The following UGT1A9 variants were observed in gnomAD, a reference collection of about 807,000 sequenced individuals.
UGT1A9 encodes UDP-glucuronosyltransferase 1A9.
Under a neutral mutation model 45.0 loss-of-function variants are expected in UGT1A9, and 35 were observed. The observed-to-expected ratio is 0.78, with a 90% confidence interval of 0.59 to 1.03. The LOEUF (loss-of-function observed/expected upper bound fraction) is 1.03. Ranked by LOEUF, UGT1A9 falls within the 50% of genes least tolerant of loss-of-function variation. The pLI, the probability that UGT1A9 is intolerant of heterozygous loss-of-function variation, is 0.00. For missense variants in UGT1A9, 687 were observed against 666.6 expected, an observed-to-expected ratio of 1.03 and a Z score of -0.34; for synonymous variants, 278 against 250.6, an observed-to-expected ratio of 1.11 and a Z score of -1.03.
rs1176429614 is a variant in UGT1A9, at chr2:233,757,538, ATATATATATATATATATATATATG to A, written c.856-9488_856-9465del. Among the ~76,000 whole-genome samples, 814 of 109,752 alleles carry A rather than the reference ATATATATATATATATATATATATG, an allele frequency of 7.4e-3. 44 individuals carry two copies. The highest frequency in any genetic ancestry group is 0.034 in the African/African-American group (774 of 22,608). The allele number at this position is 109,752 out of a possible 152,430, so 72.0% of individuals were successfully genotyped here. ...AGCCAAAATCTTGCCTGTAAGGAAT[ATATATATATATATATATATATATG>A]TATATATGATATAGCTATAGTCTAA... On this transcript the variant is annotated intron_variant, in intron 1 of 4. Coordinates refer to ENST00000354728, the MANE Select transcript of UGT1A9 (RefSeq NM_021027.3).
chr2:233,682,201 G>A, intron 1 of UGT1A9: 1 of 1,614,168 alleles, frequency 6.2e-7, no homozygotes, highest in South Asian at 1.1e-5. Context: ...ATCAGGACCG[G>A]GAGTTCATGG....
chr2:233,673,507 C>T (rs2074260225), intron 1 of UGT1A9, among the ~76,000 whole-genome samples: 1 of 152,076 alleles, frequency 6.6e-6, no homozygotes, highest in South Asian at 2.1e-4. Flanking sequence ...GACTAGAGCC[C>T]TACATGTAGG....
chr2:233,767,266 T>A (rs1028095369), intron 2 of UGT1A9, 101 bp downstream of exon 2: 5 of 1,587,970 alleles, frequency 3.1e-6, no homozygotes, highest in Non-Finnish European at 4.3e-6. Flanking sequence ...AACCTTAGAT[T>A]TGGCTTTTCC....
At chr2:233,682,012 A>C (rs772323703) in intron 1 of UGT1A9, 29 of 1,614,092 alleles carry the variant, frequency 1.8e-5, no homozygotes, top group Non-Finnish European at 2.4e-5. Flanking sequence ...TTGCCAAGGC[A>C]GGGAAGCTGC....
chr2:233,707,853 G>A (rs2075991283), intron 1 of UGT1A9, among the ~76,000 whole-genome samples: 1 of 152,142 alleles, frequency 6.6e-6, no homozygotes, highest in Non-Finnish European at 1.5e-5. Context: ...ATTTTTCAGA[G>A]TGGTTGTACA....
chr2:233,765,616 G>A (rs1387784053), intron 1 of UGT1A9, among the ~76,000 whole-genome samples: 1 of 151,774 alleles, frequency 6.6e-6, no homozygotes, highest in Non-Finnish European at 1.5e-5. Flanking sequence ...CGGGGTGAGG[G>A]GTGAGGGGAG....
At chr2:233,755,290 G>C in intron 1 of UGT1A9, 1 of 652,954 alleles carries the variant, frequency 1.5e-6, no homozygotes, top group Admixed American at 2.9e-5. Context: ...CAAAGAGCCT[G>C]CGGGGCACTG....
At position 233,767,956 on chromosome 2, in the gene UGT1A9, T is replaced by C; in HGVS notation, c.1075+20T>C. The stretch of plus-strand genomic sequence containing the variant: ...TGCTTGGTATGTTGGGCGGATTGGA[T>C]GTATAGGTCAAACCAGGGTCAAATT... On this transcript the variant is annotated intron_variant, in intron 3 of 4. Coordinates refer to ENST00000354728, the MANE Select transcript of UGT1A9 (RefSeq NM_021027.3). 1.9e-6 allele frequency: 3 copies of C among 1,614,192 alleles called. No homozygotes were observed. Among genetic ancestry groups the C allele is most frequent in the Non-Finnish European group, 2.5e-6 (3 of 1,180,026 alleles).
chr2:233,764,795 T>A (rs148070412), intron 1 of UGT1A9, among the ~76,000 whole-genome samples: 1 of 152,200 alleles, frequency 6.6e-6, no homozygotes, highest in East Asian at 1.9e-4. Flanking sequence ...CCTCAGGGTG[T>A]TCTTGCTACA....
chr2:233,693,438 A>G (rs774532563), intron 1 of UGT1A9: 1 of 1,614,088 alleles, frequency 6.2e-7, no homozygotes, highest in East Asian at 2.2e-5. Context: ...AGCAAGTTTG[A>G]TGCTCTTTTC....
intron 1 of UGT1A9, among the ~76,000 whole-genome samples, chr2:233,758,432 C>A (rs1404622059): frequency 6.6e-6 from 1 of 152,194 alleles, no homozygotes; most frequent in African/African-American, 2.4e-5. Flanking sequence ...TGAACTCACA[C>A]AGCATTGGGA....
chr2:233,768,064 A>T, intron 3 of UGT1A9, 128 bp downstream of exon 3: 6 of 1,598,982 alleles, frequency 3.8e-6, no homozygotes, highest in Non-Finnish European at 4.3e-6. Context: ...ATTGCTTTTT[A>T]TCTAGTGGGG....
At chr2:233,692,675 G>A (rs932907325) in intron 1 of UGT1A9, among the ~76,000 whole-genome samples, 1 of 152,174 alleles carries the variant, frequency 6.6e-6, no homozygotes, top group African/African-American at 2.4e-5. Context: ...TAGAGAATTG[G>A]CAGGGGGTCC....
chr2:233,755,013 G>C, intron 1 of UGT1A9: 1 of 1,294,530 alleles, frequency 7.7e-7, no homozygotes, highest in Non-Finnish European at 1.0e-6. Context: ...CTACTCGAAG[G>C]GGTCCTTGAA....
intron 1 of UGT1A9, among the ~76,000 whole-genome samples, chr2:233,728,112 T>C (rs892506440): frequency 1.3e-5 from 2 of 152,198 alleles, no homozygotes; most frequent in African/African-American, 2.4e-5. Flanking sequence ...TAATTCTCCA[T>C]CTTGAAATTT....
At chr2:233,677,441 A>G (rs2074390638) in intron 1 of UGT1A9, among the ~76,000 whole-genome samples, 1 of 152,250 alleles carries the variant, frequency 6.6e-6, no homozygotes, top group Admixed American at 6.5e-5. Context: ...CCAACTGTTT[A>G]CCAAAAGCCT....
At chr2:233,694,868 T>C (rs2075244485) in intron 1 of UGT1A9, among the ~76,000 whole-genome samples, 3 of 152,222 alleles carry the variant, frequency 2.0e-5, no homozygotes, top group Non-Finnish European at 4.4e-5. Flanking sequence ...ATAATATAGT[T>C]GTACACATTT....
chr2:233,772,555 A>G lies in UGT1A9; in HGVS notation c.1589A>G (p.His530Arg), dbSNP rs1350310639. Reference sequence around the variant, plus strand: ...AAGAAAGCCCACAAATCCAAGACCCATTGAGAAGTGGGTGGGAAATAAGGT... The same window carrying G: ...AAGAAAGCCCACAAATCCAAGACCCGTTGAGAAGTGGGTGGGAAATAAGGT... The part of the protein sequence containing the change: ...RVKKAHKSKT[H>R] The change falls in exon 5 of 5, where the codon CAT becomes CGT. Residue 530 changes from histidine to arginine, a missense_variant. Transcript: ENST00000354728. The G allele has an allele frequency of 3.1e-6, 5 of 1,613,990 alleles. No homozygotes were observed. In the South Asian group the frequency reaches 5.5e-5, roughly 18 times the overall value.
Position 233,756,181 on chromosome 2 carries a change from G to A in UGT1A9, c.856-10853G>A, listed in dbSNP as rs998894236. 3.9e-5 allele frequency: 6 copies of A among 152,158 alleles called. No homozygotes were observed. In the South Asian group the frequency reaches 6.2e-4, roughly 16 times the overall value. The allele number at this position is 152,158 out of a possible 1,614,324, so 9.4% of individuals were successfully genotyped here. ...TTTCCTGGCTCATACTTTGAGAATC[G>A]CTAGTCTAGCAGAGTAGTCCCTGGT... is the stretch of plus-strand genomic sequence containing the variant. On this transcript the variant is annotated intron_variant, in intron 1 of 4. Coordinates refer to ENST00000354728, the MANE Select transcript of UGT1A9 (RefSeq NM_021027.3).
Sources: gnomAD v4.1 joint callset for allele counts (sites outside exome capture counted in the v4.1 genomes callset) on GRCh38, gnomAD v4.1.1 for gene constraint, MANE v1.5 for transcripts, NCBI Gene and HGNC (gene_info 2026-07-23, HGNC 2026-07-21) for gene names.